The following TAOK3 variants were observed in gnomAD, a reference collection of about 807,000 sequenced individuals.
The protein encoded by TAOK3 is serine/threonine-protein kinase TAO3.
In TAOK3, 40 loss-of-function variants were observed where a neutral mutation model predicts 120.4. That is an observed-to-expected ratio of 0.33 (90% CI 0.26 to 0.43). TAOK3 has a LOEUF of 0.43. Ranked by LOEUF, TAOK3 falls within the 20% of genes least tolerant of loss-of-function variation. The probability of loss-of-function intolerance (pLI) is 1.00; values close to 1 mark genes in which losing one functional copy is unlikely to be tolerated. For missense variants in TAOK3, 821 were observed against 1,112.1 expected (o/e 0.74, Z 3.72); for synonymous variants, 355 against 387.5 (o/e 0.92, Z 0.99).
intron 1 of TAOK3, among the ~76,000 whole-genome samples, chr12:118,365,287 G>T (rs2045712100): frequency 6.6e-6 from 1 of 152,160 alleles, no homozygotes; most frequent in Non-Finnish European, 1.5e-5. Context: ...GGGCTGGAAT[G>T]CAGTGGCTTG....
At position 118,172,591 on chromosome 12, in the gene TAOK3, A is replaced by C; in HGVS notation, c.1765T>G (p.Leu589Val). 1.2e-6 allele frequency: 2 copies of C among 1,614,146 alleles called. No individual in the cohort carries two copies. Among genetic ancestry groups the C allele is most frequent in the East Asian group, 4.5e-5 (2 of 44,882 alleles). ...QERISKHKEN[L>V]QHTQAEEEAH... is the part of the protein sequence containing the mutation. ...TCCTCTTCAGCCTGTGTGTGCTGCA[A>C]GTTCTCTTTATGTTTGGAGATCCGC... Residue 589 changes from leucine to valine, a missense_variant, in exon 17 of 21, where the codon TTG becomes GTG. Physicochemically the swap from Leu to Val is conservative, Grantham distance 32 (BLOSUM62 1). This residue lies in a region of TAOK3 where 354 missense variants were observed against 572.1 expected (regional missense o/e 0.62). Transcript: ENST00000392533.
At chr12:118,215,586 CTGAT>C (rs1400143901) in intron 9 of TAOK3, among the ~76,000 whole-genome samples, 2 of 152,048 alleles carry the variant, frequency 1.3e-5, no homozygotes, top group Non-Finnish European at 2.9e-5. Context: ...TAAATACTGT[CTGAT>C]GCCTGATTCA....
chr12:118,198,574 ACGGGG>A (rs1215767918), intron 13 of TAOK3: 1 of 167,986 alleles, frequency 6.0e-6, no homozygotes, highest in Non-Finnish European at 1.3e-5. Flanking sequence ...TTTAGTAAAG[ACGGGG>A]TTTCGCCATG....
At chr12:118,245,462 C>T (rs533503463) in intron 3 of TAOK3, among the ~76,000 whole-genome samples, 1 of 151,792 alleles carries the variant, frequency 6.6e-6, no homozygotes, top group Non-Finnish European at 1.5e-5. Context: ...GGATTATAGG[C>T]ACCCACCACC....
chr12:118,359,364 A>G (rs2045516869), intron 1 of TAOK3: 1 of 152,216 alleles, frequency 6.6e-6, no homozygotes, highest in South Asian at 2.1e-4. Context: ...TCAAGTAGAT[A>G]TCAGAACTGG....
At chr12:118,300,583 G>GCACACACACT (rs952983514) in intron 1 of TAOK3, among the ~76,000 whole-genome samples, 1 of 151,812 alleles carries the variant, frequency 6.6e-6, no homozygotes, top group African/African-American at 2.4e-5. Flanking sequence ...ACACATGCAC[G>GCACACACACT]CACACACACT....
At chr12:118,173,071 T>C (rs2036104327) in intron 16 of TAOK3, among the ~76,000 whole-genome samples, 1 of 152,230 alleles carries the variant, frequency 6.6e-6, no homozygotes, top group Non-Finnish European at 1.5e-5. Flanking sequence ...GATCACTGCT[T>C]TGAAGAGGAC....
chr12:118,217,815 A>G (rs897326660), intron 9 of TAOK3, among the ~76,000 whole-genome samples: 5,474 of 27,764 alleles, frequency 0.2, 472 homozygotes, highest in South Asian at 0.23. Context: ...GTGTGTGTAT[A>G]CATATATATA....
At chr12:118,234,036 T>A (rs2039901666) in intron 8 of TAOK3, among the ~76,000 whole-genome samples, 1 of 152,040 alleles carries the variant, frequency 6.6e-6, no homozygotes, top group Non-Finnish European at 1.5e-5. Flanking sequence ...TATCTGTACA[T>A]CAGTTTCTTC....
intron 1 of TAOK3, among the ~76,000 whole-genome samples, chr12:118,288,421 G>A (rs1430885294): frequency 1.3e-5 from 2 of 152,086 alleles, no homozygotes; most frequent in Non-Finnish European, 2.9e-5. Context: ...ACAGTGATAA[G>A]AAATGCCCAT....
chr12:118,242,087 CA>C (rs138217247), intron 5 of TAOK3, among the ~76,000 whole-genome samples: 242 of 110,688 alleles, frequency 2.2e-3, no homozygotes, highest in Non-Finnish European at 1.9e-3. Flanking sequence ...AACTCTGTCT[CA>C]AAAAAAAAAA....
At position 118,244,915 on chromosome 12, in the gene TAOK3, A is replaced by G; in HGVS notation, c.171T>C (p.Tyr57=). The G allele has an allele frequency of 6.2e-7, 1 of 1,608,672 alleles. No homozygotes were observed. The highest frequency in any genetic ancestry group is 8.5e-7 in the Non-Finnish European group (1 of 1,175,606). The part of the protein sequence containing the change: ...SEVVAIKKMS[Y]SGKQTHEKWQ... ...TCACCTCATGGGTCTGCTTCCCACT[A>G]TAGGACATCTTCTTAATTGCCACCA... The change falls in exon 4 of 21, where the codon TAT becomes TAC. Residue 57 remains tyrosine, a synonymous_variant. Transcript: ENST00000392533.
At chr12:118,250,865 A>T (rs2040720815) in intron 3 of TAOK3, among the ~76,000 whole-genome samples, 1 of 152,210 alleles carries the variant, frequency 6.6e-6, no homozygotes, top group Admixed American at 6.5e-5. Flanking sequence ...GCTGAGAGCT[A>T]AATGATGAAC....
chr12:118,214,114 G>T lies in TAOK3; in HGVS notation c.644-4C>A. On this transcript the variant is annotated splice_region_variant and splice_polypyrimidine_tract_variant and intron_variant, in intron 9 of 20. Coordinates refer to ENST00000392533, the MANE Select transcript of TAOK3 (RefSeq NM_016281.4). ...AAAAGGGGCGGCTTCCGTTCCGCTG[G>T]AAGAGGAAAGAAACACAATAAAGTA... 6.2e-7 allele frequency: 1 copy of T among 1,605,170 alleles called. No homozygotes were observed. The highest frequency in any genetic ancestry group is 1.1e-5 in the South Asian group (1 of 89,248).
chr12:118,177,795 C>T (rs1175961490), intron 15 of TAOK3, among the ~76,000 whole-genome samples: 3 of 151,608 alleles, frequency 2.0e-5, no homozygotes, highest in Non-Finnish European at 4.4e-5. Context: ...TGCACTCCAG[C>T]CTGGGCAACA....
intron 1 of TAOK3, among the ~76,000 whole-genome samples, chr12:118,322,537 T>A (rs890242783): frequency 2.0e-4 from 31 of 151,966 alleles, no homozygotes; most frequent in Non-Finnish European, 4.4e-4. Context: ...TGGTCTCTGA[T>A]ATAACTATTC....
At position 118,287,130 on chromosome 12, in the gene TAOK3, T is replaced by C. The variant is rs534375931; in HGVS notation, c.-193-20371A>G. Among the ~76,000 whole-genome samples, 214 of 152,240 alleles carry C rather than the reference T, an allele frequency of 1.4e-3. 2 individuals carry two copies. Among genetic ancestry groups the C allele is most frequent in the Non-Finnish European group, 2.5e-3 (171 of 68,022 alleles). On this transcript the variant is annotated intron_variant, in intron 1 of 20. Transcript: ENST00000392533. ...TTGTGTGCAGTGTATACTGCTTGGG[T>C]GATGGGTGCACCAAAATCTCACAAA...
chr12:118,290,390 A>C (rs2042428374), intron 1 of TAOK3, among the ~76,000 whole-genome samples: 1 of 152,200 alleles, frequency 6.6e-6, no homozygotes, highest in South Asian at 2.1e-4. Flanking sequence ...GAATCTGTTC[A>C]AGAATCTGCT....
rs201242096 is a variant in TAOK3, at chr12:118,251,499, ATGCCACTC to A, written c.120+3941_120+3948del. On this transcript the variant is annotated intron_variant, in intron 3 of 20. Coordinates refer to ENST00000392533, the MANE Select transcript of TAOK3 (RefSeq NM_016281.4). ...ATAGAGTTAATGATTACGTTTATCAATGCCACTCTGCTACCTGTATCATTTCTCTAGTC... is the reference window on the plus strand; with the variant it reads ...ATAGAGTTAATGATTACGTTTATCAATGCTACCTGTATCATTTCTCTAGTC... 4.2e-4 allele frequency among the ~76,000 whole-genome samples: 64 copies of A among 152,312 alleles called. 1 individual carries two copies. The East Asian group carries it at 0.011, about 25-fold the overall frequency.
Sources: allele counts gnomAD v4.1 joint callset (sites outside exome capture counted in the v4.1 genomes callset), GRCh38; gene constraint gnomAD v4.1.1; regional missense constraint gnomAD v4.1.1; transcripts MANE v1.5; gene names NCBI Gene and HGNC (gene_info 2026-07-23, HGNC 2026-07-21).